PTPRN2: variants seen among roughly 807,000 people sequenced by gnomAD.
PTPRN2 encodes the protein protein tyrosine phosphatase receptor type N2, also known as receptor-type tyrosine-protein phosphatase N2.
In PTPRN2, 74 loss-of-function variants were observed where a neutral mutation model predicts 118.8. The observed-to-expected ratio is 0.62, with a 90% CI of 0.52 to 0.76. The LOEUF is 0.76. Among genes scored for constraint, PTPRN2 ranks in the 30% least tolerant of loss-of-function variants. PTPRN2 has a pLI of 0.00. For synonymous variants in PTPRN2, 641 were observed against 608.0 expected (o/e 1.05, Z -0.80); for missense variants, 1,481 against 1,394.4 (o/e 1.06, Z -0.99).
At chr7:157,958,632 G>A (rs565891648) in intron 11 of PTPRN2, among the ~76,000 whole-genome samples, 202 of 152,074 alleles carry the variant, frequency 1.3e-3, no homozygotes, top group Admixed American at 2.2e-3. Flanking sequence ...AATGCCAAAA[G>A]GACATTTAAA....
At chr7:157,614,753 G>A (rs779900894) in intron 15 of PTPRN2, among the ~76,000 whole-genome samples, 5 of 152,120 alleles carry the variant, frequency 3.3e-5, no homozygotes, top group African/African-American at 4.8e-5. Context: ...TAGTGCAGTG[G>A]GTCTGCTGTC....
intron 2 of PTPRN2, among the ~76,000 whole-genome samples, chr7:158,416,469 T>G (rs746392816): frequency 3.9e-5 from 6 of 152,218 alleles, no homozygotes; most frequent in Non-Finnish European, 5.9e-5. Flanking sequence ...GTGGGATTGG[T>G]GGCTGCATGG....
intron 12 of PTPRN2, among the ~76,000 whole-genome samples, chr7:157,731,474 G>A (rs1377156942): frequency 6.6e-6 from 1 of 151,554 alleles, no homozygotes; most frequent in African/African-American, 2.4e-5. Context: ...CACGCGCCCA[G>A]CACAGTTACC....
intron 3 of PTPRN2, among the ~76,000 whole-genome samples, chr7:158,206,567 G>A (rs572337368): frequency 4.6e-5 from 7 of 151,954 alleles, no homozygotes; most frequent in African/African-American, 9.7e-5. Flanking sequence ...AGCTCGGGGA[G>A]GGGGGGAGAG....
At chr7:158,139,706 G>A (rs1045869729) in intron 6 of PTPRN2, among the ~76,000 whole-genome samples, 18 of 152,076 alleles carry the variant, frequency 1.2e-4, no homozygotes, top group Non-Finnish European at 1.6e-4. Flanking sequence ...GGGAAGACAC[G>A]CTCCACACAT....
At chr7:158,014,952 T>C (rs1806336386) in intron 11 of PTPRN2, among the ~76,000 whole-genome samples, 1 of 152,230 alleles carries the variant, frequency 6.6e-6, no homozygotes, top group African/African-American at 2.4e-5. Context: ...TCAAGTATTT[T>C]TAGTGCAAAA....
chr7:158,285,104 G>A (rs184961505), intron 3 of PTPRN2, among the ~76,000 whole-genome samples: 1 of 152,310 alleles, frequency 6.6e-6, no homozygotes, highest in East Asian at 1.9e-4. Context: ...CTGTCTTGCT[G>A]TTGCTCTCAG....
intron 12 of PTPRN2, among the ~76,000 whole-genome samples, chr7:157,853,102 T>C (rs1809410814): frequency 6.6e-6 from 1 of 152,048 alleles, no homozygotes; most frequent in Admixed American, 6.5e-5. Flanking sequence ...TGGATGGGTA[T>C]TTGGGTCTTT....
At chr7:157,634,020 C>T (rs991430005) in intron 14 of PTPRN2, among the ~76,000 whole-genome samples, 7 of 152,002 alleles carry the variant, frequency 4.6e-5, no homozygotes, top group African/African-American at 7.3e-5. Flanking sequence ...GGGAACAGCG[C>T]GTGGGGAACA....
intron 2 of PTPRN2, among the ~76,000 whole-genome samples, chr7:158,325,488 G>A (rs1420756465): frequency 1.3e-5 from 2 of 152,170 alleles, no homozygotes; most frequent in Non-Finnish European, 2.9e-5. Flanking sequence ...GGCATTGTTT[G>A]AAATAACCAC....
intron 6 of PTPRN2, among the ~76,000 whole-genome samples, chr7:158,149,537 C>T (rs1037780212): frequency 1.7e-4 from 26 of 152,092 alleles, no homozygotes; most frequent in Admixed American, 1.6e-3. Context: ...GGCGCAGTGG[C>T]TCATGCCTGT....
intron 6 of PTPRN2, among the ~76,000 whole-genome samples, chr7:158,165,666 G>A (rs1380303899): frequency 1.3e-5 from 2 of 152,242 alleles, no homozygotes. Context: ...CGATGCTCAG[G>A]CAATGTTTGT....
At position 158,064,317 on chromosome 7, in the gene PTPRN2, C is replaced by G. The variant is rs139387134; in HGVS notation, c.1723+16981G>C. On this transcript the variant is annotated intron_variant, in intron 11 of 22. Transcript: ENST00000389418. The stretch of plus-strand genomic sequence containing the variant: ...GCTGGAGAGCCCGGGACATGCACAG[C>G]ATTCTCCTGGGGACGTCTCTCAGGA... Among the ~76,000 whole-genome samples, 321 of 152,326 alleles carry G rather than the reference C, an allele frequency of 2.1e-3. 4 individuals carry two copies. Among genetic ancestry groups the G allele is most frequent in the Non-Finnish European group, 2.2e-4 (15 of 68,034 alleles).
intron 11 of PTPRN2, among the ~76,000 whole-genome samples, chr7:157,950,187 T>C (rs1800718793): frequency 6.6e-6 from 1 of 152,262 alleles, no homozygotes; most frequent in African/African-American, 2.4e-5. Context: ...TCTGTGTGCA[T>C]GTTAATCTTC....
At chr7:158,291,444 C>G (rs1563094804) in intron 3 of PTPRN2, among the ~76,000 whole-genome samples, 2 of 152,112 alleles carry the variant, frequency 1.3e-5, no homozygotes, top group African/African-American at 4.8e-5. Context: ...TTAGTCTAAG[C>G]TCTAGGAGCT....
At chr7:157,682,129 G>A (rs577107205) in intron 13 of PTPRN2, among the ~76,000 whole-genome samples, 2 of 152,274 alleles carry the variant, frequency 1.3e-5, no homozygotes, top group South Asian at 2.1e-4. Context: ...AAAAATGCCC[G>A]ACTTGGTCTG....
At chr7:158,425,934 G>A (rs77239683) in intron 2 of PTPRN2, among the ~76,000 whole-genome samples, 8 of 134,654 alleles carry the variant, frequency 5.9e-5, no homozygotes, top group East Asian at 2.2e-4. Context: ...AGCCTAGCTG[G>A]GGCCTGCGCA....
At chr7:158,164,288 T>A (rs566373523) in intron 6 of PTPRN2, among the ~76,000 whole-genome samples, 13 of 143,412 alleles carry the variant, frequency 9.1e-5, no homozygotes, top group Non-Finnish European at 1.4e-4. Flanking sequence ...AGCGCGTGCG[T>A]AGGAAGGGCA....
Position 157,601,745 on chromosome 7 carries a change from C to T in PTPRN2, c.2418+2257G>A, listed in dbSNP as rs576344205. On this transcript the variant is annotated intron_variant, in intron 16 of 22. Coordinates refer to ENST00000389418, the MANE Select transcript of PTPRN2 (RefSeq NM_002847.5). ...CAGACATCTGCAAGTTGGAACCCAT[C>T]GAGTGGGGGAGAGTGGGCCCAGCTG... is the stretch of plus-strand genomic sequence containing the variant. Among the ~76,000 whole-genome samples, 10 of 152,350 alleles carry T rather than the reference C, an allele frequency of 6.6e-5. No individual in the cohort carries two copies. In the East Asian group the frequency reaches 9.6e-4, roughly 15 times the overall value.
Sources: allele counts gnomAD v4.1 joint callset (sites outside exome capture counted in the v4.1 genomes callset), GRCh38; gene constraint gnomAD v4.1.1; transcripts MANE v1.5; gene names NCBI Gene and HGNC (gene_info 2026-07-23, HGNC 2026-07-21).